APPL2: variants seen among roughly 807,000 people sequenced by gnomAD.
APPL2 encodes the protein DCC-interacting protein 13-beta.
Under a neutral mutation model 92.7 loss-of-function variants are expected in APPL2, and 84 were observed. The observed-to-expected ratio is 0.91, with a 90% CI of 0.76 to 1.09. The LOEUF is 1.09. APPL2 is among the 50% of genes least tolerant of loss of function. The probability of loss-of-function intolerance (pLI) is 0.00; values close to 1 mark genes in which losing one functional copy is unlikely to be tolerated. For synonymous variants in APPL2, 291 were observed against 291.0 expected, an observed-to-expected ratio of 1.00 and a Z score of 0.00; for missense variants, 736 against 824.5, an observed-to-expected ratio of 0.89 and a Z score of 1.31.
At chr12:105,233,056 T>G (rs965954050) in intron 1 of APPL2, 1 of 975,380 alleles carries the variant, frequency 1.0e-6, no homozygotes, top group African/African-American at 1.8e-5. Context: ...AACAGTGCTG[T>G]TGTCTTCACC....
intron 2 of APPL2, among the ~76,000 whole-genome samples, chr12:105,227,548 G>A (rs556451475): frequency 3.9e-5 from 6 of 152,226 alleles, no homozygotes; most frequent in South Asian, 4.1e-4. Context: ...CCACCCTGCC[G>A]TTCCAGATGA....
chr12:105,232,049 C>G (rs1566105270), intron 1 of APPL2, among the ~76,000 whole-genome samples: 2 of 152,212 alleles, frequency 1.3e-5, no homozygotes. Context: ...AAGATAACAA[C>G]AGCAATCATT....
rs773239314 is a variant in APPL2 at position 105,189,502 on chromosome 12, A to G, written c.1459+270T>C. 7.2e-5 allele frequency among the ~76,000 whole-genome samples: 11 copies of G among 152,230 alleles called. No individual in the cohort carries two copies. The East Asian group carries it at 9.6e-4, about 13-fold the overall frequency. ...TTCACCAAGACTGCATTTGAATGTG[A>G]TAACAGATTCAGATTTCACAACATT... On this transcript the variant is annotated intron_variant, in intron 16 of 20. Transcript: ENST00000258530.
intron 9 of APPL2, 88 bp downstream of exon 9, chr12:105,203,615 G>A (rs1226383775): frequency 7.8e-7 from 1 of 1,284,884 alleles, no homozygotes; most frequent in African/African-American, 1.5e-5. Flanking sequence ...ACCCTCCACA[G>A]TTAGAACCCT....
chr12:105,218,901 T>A (rs1049952548), intron 2 of APPL2, among the ~76,000 whole-genome samples: 1 of 152,216 alleles, frequency 6.6e-6, no homozygotes, highest in Non-Finnish European at 1.5e-5. Context: ...CCCGTACTGC[T>A]CATTTTCCTC....
At chr12:105,226,305 C>T (rs1180110775) in intron 2 of APPL2, among the ~76,000 whole-genome samples, 4 of 152,216 alleles carry the variant, frequency 2.6e-5, no homozygotes, top group Admixed American at 2.0e-4. Context: ...CTGATCACTG[C>T]TTGACTCTGT....
rs1325064767 is a variant in APPL2 at position 105,236,132 on chromosome 12, G to T, written c.-120C>A. ...GCGGCGGCCACTCCGTGCCCGCGGC[G>T]GCCCCGCGCGCGTCCACGCCTGGCC... On this transcript the variant is annotated 5_prime_UTR_variant, in exon 1 of 21. Transcript: ENST00000258530. The T allele has an allele frequency of 3.7e-5, 22 of 596,152 alleles. No homozygotes were observed. In the African/African-American group the frequency reaches 4.6e-4, roughly 12 times the overall value. 36.9% of individuals were successfully genotyped at this position (596,152 alleles called of 1,614,324 possible). A position where few individuals can be genotyped will look rare whatever the true frequency, so the allele number is the denominator to read the frequency against.
chr12:105,192,883 G>C (rs1260137689), intron 14 of APPL2, among the ~76,000 whole-genome samples: 2 of 152,220 alleles, frequency 1.3e-5, no homozygotes, highest in Non-Finnish European at 2.9e-5. Flanking sequence ...AGTAACTGCA[G>C]AATGAGGGAA....
chr12:105,189,047 C>T (rs573860067), intron 16 of APPL2, among the ~76,000 whole-genome samples: 281 of 152,224 alleles, frequency 1.8e-3, no homozygotes, highest in Non-Finnish European at 3.4e-3. Flanking sequence ...GAGACAGGGT[C>T]TCACTCTGTA....
chr12:105,199,668 C>T, intron 9 of APPL2, 137 bp from the exon 10 acceptor site: 2 of 856,994 alleles, frequency 2.3e-6, no homozygotes, highest in Non-Finnish European at 3.5e-6. Context: ...TACAGGGCCA[C>T]AACCCTCTAC....
rs779318908 is a variant in APPL2, at chr12:105,199,439, G to A, written c.797C>T (p.Ser266Phe). ...SVDESVYTPD[S>F]DVAAPQINRN... ...GTTGATCTGTGGTGCGGCCACATCA[G>A]AGTCTGGAGTGTAAACAGATTCATC... is the stretch of plus-strand genomic sequence containing the variant. The change falls in exon 10 of 21, where the codon TCT becomes TTT. Residue 266 changes from serine (S) to phenylalanine (F), a missense_variant. Ser to Phe is a radical substitution (Grantham distance 155). Transcript: ENST00000258530. 36 of 1,614,072 alleles carry A rather than the reference G, an allele frequency of 2.2e-5. No homozygotes were observed. In the South Asian group the frequency reaches 3.8e-4, roughly 17 times the overall value.
rs2135982513 is a variant in APPL2 at position 105,200,961 on chromosome 12, T to A, written c.705-1430A>T. 1.3e-5 allele frequency among the ~76,000 whole-genome samples: 2 copies of A among 152,216 alleles called. 1 individual carries two copies. Among genetic ancestry groups the A allele is most frequent in the Middle Eastern group, 6.8e-3 (2 of 294 alleles). Reference sequence around the variant, plus strand: ...TCTTGCTCCGCCACCCAGGCTGGAGTGCAGTGGCATGATCTTCGCTCACTA... The same window carrying A: ...TCTTGCTCCGCCACCCAGGCTGGAGAGCAGTGGCATGATCTTCGCTCACTA... On this transcript the variant is annotated intron_variant, in intron 9 of 20. Transcript: ENST00000258530.
intron 8 of APPL2, among the ~76,000 whole-genome samples, chr12:105,205,182 T>C (rs1457142771): frequency 6.6e-6 from 1 of 152,200 alleles, no homozygotes; most frequent in Non-Finnish European, 1.5e-5. Flanking sequence ...CAGCTAATGC[T>C]TCTGAATCAT....
At chr12:105,185,795 G>A (rs1239100480) in intron 17 of APPL2, among the ~76,000 whole-genome samples, 1 of 152,120 alleles carries the variant, frequency 6.6e-6, no homozygotes, top group African/African-American at 2.4e-5. Context: ...TATGTTTACT[G>A]TGGTGACGTA....
chr12:105,185,534 G>A (rs1886525992), intron 17 of APPL2, among the ~76,000 whole-genome samples: 1 of 151,858 alleles, frequency 6.6e-6, no homozygotes, highest in Non-Finnish European at 1.5e-5. Context: ...CCTGGGTAAT[G>A]CAATGCCGCA....
chr12:105,180,736 TG>T (rs1442646985), intron 17 of APPL2, among the ~76,000 whole-genome samples: 1 of 152,226 alleles, frequency 6.6e-6, no homozygotes, highest in Non-Finnish European at 1.5e-5. Flanking sequence ...CAATTGTGAA[TG>T]GGAGTTCACT....
At chr12:105,223,351 C>A (rs1398992820) in intron 2 of APPL2, among the ~76,000 whole-genome samples, 2 of 152,230 alleles carry the variant, frequency 1.3e-5, no homozygotes, top group East Asian at 3.9e-4. Flanking sequence ...CAGGTAGTTG[C>A]TAAAGTGATC....
intron 3 of APPL2, 147 bp downstream of exon 3, chr12:105,217,519 T>G: frequency 1.4e-6 from 1 of 717,138 alleles, no homozygotes; most frequent in Non-Finnish European, 2.3e-6. Flanking sequence ...CTGATTTCAA[T>G]ACATCAGTGG....
At position 105,199,501 on chromosome 12, in the gene APPL2, TTCCGCC is replaced by T; in HGVS notation, c.729_734del (p.Ala244_Glu245del). 1 of 1,613,974 alleles carries T rather than the reference TTCCGCC, an allele frequency of 6.2e-7. No individual in the cohort carries two copies. On this transcript the variant is annotated inframe_deletion, in exon 10 of 21. Transcript: ENST00000258530. ...ATTCTTGCTGGGACACCCGCATCTT[TTCCGCC>T]TCGGCTTCCAGTTCTACCTGAATGC... is the stretch of plus-strand genomic sequence containing the variant.
Sources: allele counts gnomAD v4.1 joint callset (sites outside exome capture counted in the v4.1 genomes callset), GRCh38; gene constraint gnomAD v4.1.1; transcripts MANE v1.5; gene names NCBI Gene and HGNC (gene_info 2026-07-23, HGNC 2026-07-21).